The following FER variants were observed in gnomAD, a reference collection of about 807,000 sequenced individuals.
The protein encoded by FER is tyrosine-protein kinase Fer.
FER carries 63 observed loss-of-function variants against 111.0 expected under a neutral mutation model. The ratio of observed to expected loss-of-function variants is 0.57; its 90% CI spans 0.46 to 0.70. The LOEUF is 0.70. Among genes scored for constraint, FER ranks in the 30% least tolerant of loss-of-function variants. The pLI is 0.00. For missense variants in FER, 914 were observed against 954.0 expected, an observed-to-expected ratio of 0.96 and a Z score of 0.55; for synonymous variants, 327 against 313.9, an observed-to-expected ratio of 1.04 and a Z score of -0.44.
intron 16 of FER, among the ~76,000 whole-genome samples, chr5:109,098,609 T>C (rs1703710868): frequency 6.6e-6 from 1 of 151,736 alleles, no homozygotes; most frequent in Non-Finnish European, 1.5e-5. Flanking sequence ...GAACTAAATA[T>C]TAATTTCAAG....
chr5:108,994,481 G>T (rs6861439), intron 13 of FER, among the ~76,000 whole-genome samples: 1 of 151,926 alleles, frequency 6.6e-6, no homozygotes, highest in Non-Finnish European at 1.5e-5. Context: ...GTCTGTTTCT[G>T]TACCAGTACC....
intron 17 of FER, among the ~76,000 whole-genome samples, chr5:109,147,792 TATATATATAGAGAGAG>T (rs1403292653): frequency 1.5e-5 from 2 of 136,034 alleles, no homozygotes; most frequent in Non-Finnish European, 1.6e-5. Flanking sequence ...TATATATATA[TATATATATAGAGAGAG>T]AGAGAGAGAG....
At chr5:109,062,261 G>A (rs1016113339) in intron 16 of FER, among the ~76,000 whole-genome samples, 1 of 152,216 alleles carries the variant, frequency 6.6e-6, no homozygotes, top group East Asian at 1.9e-4. Context: ...AGTGGCTCAC[G>A]CCTGTAATCC....
intron 13 of FER, among the ~76,000 whole-genome samples, chr5:109,027,656 C>A (rs1049232772): frequency 6.6e-6 from 1 of 152,116 alleles, no homozygotes; most frequent in Admixed American, 6.6e-5. Flanking sequence ...GATTTGGCAG[C>A]GGTTGATTGA....
At chr5:108,823,462 A>G (rs1298833856) in intron 3 of FER, among the ~76,000 whole-genome samples, 1 of 152,084 alleles carries the variant, frequency 6.6e-6, no homozygotes, top group African/African-American at 2.4e-5. Flanking sequence ...CTTTTTTATA[A>G]TAGCCATCTT....
intron 9 of FER, 35 bp downstream of exon 9, chr5:108,883,553 T>A: frequency 6.6e-7 from 1 of 1,514,010 alleles, no homozygotes; most frequent in Non-Finnish European, 8.9e-7. Context: ...AGGAAGAATG[T>A]TTAATTGTAA....
chr5:109,000,349 A>G (rs1466012759), intron 13 of FER, among the ~76,000 whole-genome samples: 1 of 152,032 alleles, frequency 6.6e-6, no homozygotes, highest in Non-Finnish European at 1.5e-5. Context: ...CAAACTCTCT[A>G]GTAAAAAAAA....
rs1561682006 is a variant in FER, at chr5:108,960,896, C to T, written c.1656+1549C>T. On this transcript the variant is annotated intron_variant, in intron 13 of 19. Transcript: ENST00000281092. The stretch of plus-strand genomic sequence containing the variant: ...TTACATCACTGCCCTCCCTCTAACA[C>T]TCTAGGTTACAATTAAGTATATATC... Among the ~76,000 whole-genome samples, 3 of 152,218 alleles carry T rather than the reference C, an allele frequency of 2.0e-5. No homozygotes were observed. In the South Asian group the frequency reaches 6.2e-4, roughly 32 times the overall value.
chr5:108,820,218 T>A (rs542574569), intron 3 of FER: 1 of 985,406 alleles, frequency 1.0e-6, no homozygotes, highest in South Asian at 4.7e-5. Flanking sequence ...GGACGTGAGC[T>A]ATAAAAGTCA....
At position 109,005,760 on chromosome 5, in the gene FER, T is replaced by TTAG. The variant is rs562303433; in HGVS notation, c.1657-31661_1657-31659dup. The stretch of plus-strand genomic sequence containing the variant: ...TAAATTTCCCTTCAGTTGAAGTTCC[T>TTAG]TAGCAGCAAGGACCATGTGTTCTGC... On this transcript the variant is annotated intron_variant, in intron 13 of 19. Coordinates refer to ENST00000281092, the MANE Select transcript of FER (RefSeq NM_005246.4). Among the ~76,000 whole-genome samples, 697 of 152,322 alleles carry TTAG rather than the reference T, an allele frequency of 4.6e-3. 6 individuals are homozygous for TTAG. Among genetic ancestry groups the TTAG allele is most frequent in the Middle Eastern group, 0.027 (8 of 294 alleles).
intron 3 of FER, among the ~76,000 whole-genome samples, chr5:108,811,107 A>T (rs546943650): frequency 2.0e-5 from 3 of 151,914 alleles, no homozygotes; most frequent in South Asian, 4.2e-4. Context: ...CAGGAAGGGT[A>T]GGGCATCCCA....
rs552347685 is a variant in FER at position 109,070,833 on chromosome 5, A to G, written c.1924+23635A>G. Reference sequence around the variant, plus strand: ...GATTATTTGCAATGAAATAGAGGCAATTTGATTATAATTAATGCAGTCATT... The same window carrying G: ...GATTATTTGCAATGAAATAGAGGCAGTTTGATTATAATTAATGCAGTCATT... On this transcript the variant is annotated intron_variant, in intron 16 of 19. Transcript: ENST00000281092. Among the ~76,000 whole-genome samples, 83 of 152,136 alleles carry G rather than the reference A, an allele frequency of 5.5e-4. 1 individual carries two copies. The South Asian group carries it at 0.013, about 25-fold the overall frequency.
chr5:109,054,980 C>T (rs1384691339), intron 16 of FER, among the ~76,000 whole-genome samples: 1 of 152,180 alleles, frequency 6.6e-6, no homozygotes, highest in Non-Finnish European at 1.5e-5. Context: ...GTCTTGATGA[C>T]AGTAGCTTTA....
rs139022756 is a variant in FER at position 109,074,829 on chromosome 5, G to A, written c.1925-25567G>A. Among the ~76,000 whole-genome samples the A allele has an allele frequency of 4.1e-3, 621 of 152,300 alleles. 4 individuals are homozygous for A. Among genetic ancestry groups the A allele is most frequent in the Non-Finnish European group, 6.1e-3 (412 of 68,020 alleles). On this transcript the variant is annotated intron_variant, in intron 16 of 19. Coordinates refer to ENST00000281092, the MANE Select transcript of FER (RefSeq NM_005246.4). ...TACAGTGTGTTTTGCAGTAAGTGACGTGAAAACCTAAGTAAATGTTAGTTT... is the reference window on the plus strand; with the variant it reads ...TACAGTGTGTTTTGCAGTAAGTGACATGAAAACCTAAGTAAATGTTAGTTT...
chr5:108,877,377 T>A (rs1765194433), intron 8 of FER, among the ~76,000 whole-genome samples: 1 of 152,184 alleles, frequency 6.6e-6, no homozygotes, highest in Admixed American at 6.5e-5. Context: ...AACAAAGTTG[T>A]ATGGAAGAAA....
intron 10 of FER, among the ~76,000 whole-genome samples, chr5:108,926,708 C>T (rs1753788617): frequency 6.6e-6 from 1 of 152,170 alleles, no homozygotes; most frequent in African/African-American, 2.4e-5. Flanking sequence ...TCAGATGTTA[C>T]CACACTCACT....
intron 2 of FER, among the ~76,000 whole-genome samples, chr5:108,789,073 T>C (rs1055371231): frequency 3.9e-5 from 6 of 152,356 alleles, no homozygotes; most frequent in Non-Finnish European, 8.8e-5. Context: ...TTCTGTTTAT[T>C]GAACGATAAC....
chr5:109,151,077 C>G (rs1225055956), intron 17 of FER, among the ~76,000 whole-genome samples: 1 of 152,056 alleles, frequency 6.6e-6, no homozygotes, highest in African/African-American at 2.4e-5. Context: ...TCTAAAATGG[C>G]TTTGCTGAAC....
intron 3 of FER, among the ~76,000 whole-genome samples, chr5:108,801,776 A>G (rs1756678544): frequency 6.6e-6 from 1 of 152,108 alleles, no homozygotes; most frequent in Non-Finnish European, 1.5e-5. Flanking sequence ...CCTTCACCCA[A>G]AGGAGACACT....
Sources: allele counts gnomAD v4.1 joint callset (sites outside exome capture counted in the v4.1 genomes callset), GRCh38; gene constraint gnomAD v4.1.1; transcripts MANE v1.5; gene names NCBI Gene and HGNC (gene_info 2026-07-23, HGNC 2026-07-21).